RWDD1: variants seen among roughly 807,000 people sequenced by gnomAD.
The protein encoded by RWDD1 is RWD domain containing 1, also known as RWD domain-containing protein 1.
Under a neutral mutation model 31.6 loss-of-function variants are expected in RWDD1, and 17 were observed. The observed-to-expected ratio is 0.54, with a 90% CI of 0.37 to 0.81. The LOEUF is 0.81. RWDD1 is among the 30% of genes least tolerant of loss of function. RWDD1 has a pLI of 0.00. For synonymous variants in RWDD1, 78 were observed against 94.2 expected (o/e 0.83, Z 0.99); for missense variants, 204 against 274.5 (o/e 0.74, Z 1.82).
chr6:116,590,826 T>C, intron 5 of RWDD1, 62 bp from the exon 6 acceptor site: 1 of 1,524,238 alleles, frequency 6.6e-7, no homozygotes, highest in South Asian at 1.3e-5. Context: ...TTCTAAGTAT[T>C]GTAGTGAAAA....
chr6:116,591,593 C>T (rs1440559680), intron 6 of RWDD1, among the ~76,000 whole-genome samples: 2 of 152,230 alleles, frequency 1.3e-5, no homozygotes, highest in African/African-American at 2.4e-5. Context: ...TATCCATCAT[C>T]GATTCATTCA....
intron 1 of RWDD1, among the ~76,000 whole-genome samples, chr6:116,576,343 T>C (rs1296876364): frequency 6.6e-6 from 1 of 152,236 alleles, no homozygotes; most frequent in Non-Finnish European, 1.5e-5. Flanking sequence ...ATGATTTTGA[T>C]TTCCACTTTT....
At position 116,593,152 on chromosome 6, in the gene RWDD1, A is replaced by G. The variant is rs370464845; in HGVS notation, c.*51A>G. Reference sequence around the variant, plus strand: ...CTTGACTGCCACAGCATCTGTGGCTATGCTCAGAGGGTTATGATTTTCCTT... The same window carrying G: ...CTTGACTGCCACAGCATCTGTGGCTGTGCTCAGAGGGTTATGATTTTCCTT... On this transcript the variant is annotated 3_prime_UTR_variant, in exon 7 of 7. Coordinates refer to ENST00000466444, the MANE Select transcript of RWDD1 (RefSeq NM_015952.4). 5.8e-6 allele frequency: 9 copies of G among 1,554,614 alleles called. No homozygotes were observed. The highest frequency in any genetic ancestry group is 7.8e-6 in the Non-Finnish European group (9 of 1,148,564).
intron 1 of RWDD1, 90 bp downstream of exon 1, chr6:116,571,745 TG>T: frequency 8.3e-7 from 1 of 1,206,944 alleles, no homozygotes; most frequent in Non-Finnish European, 1.1e-6. Context: ...TAGGTTGGGG[TG>T]GAGAAGGGGA....
chr6:116,571,802 C>T lies in RWDD1; in HGVS notation c.73+147C>T, dbSNP rs182504743. The T allele has an allele frequency of 2.8e-3, 1,625 of 579,738 alleles. 33 individuals carry two copies. The highest frequency in any genetic ancestry group is 0.026 in the Admixed American group (702 of 27,462). 35.9% of individuals were successfully genotyped at this position (579,738 alleles called of 1,614,324 possible). ...CTTGCCCTCCACTCCTCAAGTTCTT[C>T]AGTCACTTACCAGCAACCCAGTGAC... On this transcript the variant is annotated intron_variant, in intron 1 of 6. Transcript: ENST00000466444.
intron 1 of RWDD1, among the ~76,000 whole-genome samples, chr6:116,578,171 C>G (rs1309742539): frequency 6.6e-6 from 1 of 152,162 alleles, no homozygotes; most frequent in African/African-American, 2.4e-5. Context: ...ATCTCAGTTT[C>G]CACATCTGTA....
chr6:116,585,516 G>A (rs1460525844), intron 3 of RWDD1, among the ~76,000 whole-genome samples: 1 of 152,102 alleles, frequency 6.6e-6, no homozygotes, highest in Non-Finnish European at 1.5e-5. Flanking sequence ...AGAGTAGGGA[G>A]GGGGGTAAAA....
Position 116,579,032 on chromosome 6 carries a change from C to T in RWDD1, c.74-1263C>T, listed in dbSNP as rs1340546888. Among the ~76,000 whole-genome samples the T allele has an allele frequency of 2.2e-4, 34 of 152,068 alleles. 1 individual carries two copies. Among genetic ancestry groups the T allele is most frequent in the Admixed American group, 2.2e-3 (33 of 15,266 alleles). On this transcript the variant is annotated intron_variant, in intron 1 of 6. Transcript: ENST00000466444. ...CTGGGATTACAGGCATGCGCCACCA[C>T]GCCTGGCTATTTTTTGTGTTTTTAG... is the stretch of plus-strand genomic sequence containing the variant.
chr6:116,577,548 A>C (rs1311627094), intron 1 of RWDD1, among the ~76,000 whole-genome samples: 1 of 125,274 alleles, frequency 8.0e-6, no homozygotes, highest in Admixed American at 8.2e-5. Flanking sequence ...AAGTGTCCTT[A>C]AAATATATCA....
At chr6:116,578,810 A>T (rs190212040) in intron 1 of RWDD1, among the ~76,000 whole-genome samples, 39 of 152,304 alleles carry the variant, frequency 2.6e-4, no homozygotes, top group African/African-American at 9.4e-4. Context: ...ACAGGTGTTC[A>T]TCATTTCTTA....
chr6:116,589,124 A>G, intron 4 of RWDD1, 139 bp downstream of exon 4: 1 of 731,210 alleles, frequency 1.4e-6, no homozygotes, highest in Non-Finnish European at 1.8e-6. Context: ...GTAAAGTTTC[A>G]CTAAAATTGT....
At chr6:116,575,041 G>C (rs762099538) in intron 1 of RWDD1, among the ~76,000 whole-genome samples, 1 of 151,784 alleles carries the variant, frequency 6.6e-6, no homozygotes, top group Non-Finnish European at 1.5e-5. Context: ...AAGTGCTGGG[G>C]TTATAGGCGT....
chr6:116,575,751 A>G (rs1774828580), intron 1 of RWDD1, among the ~76,000 whole-genome samples: 1 of 152,216 alleles, frequency 6.6e-6, no homozygotes, highest in Non-Finnish European at 1.5e-5. Flanking sequence ...TCAGGGACAC[A>G]TCTTCTAATG....
At position 116,590,870 on chromosome 6, in the gene RWDD1, C is replaced by CTTTTTTT; in HGVS notation, c.548-9_548-3dup. On this transcript the variant is annotated splice_polypyrimidine_tract_variant and intron_variant, in intron 5 of 6. Coordinates refer to ENST00000466444, the MANE Select transcript of RWDD1 (RefSeq NM_015952.4). ...AACTATGCCATTTGAATTAAACATA[C>CTTTTTTT]TTTTTTTTTTTTTTTAGGGAAACAA... 6.7e-7 allele frequency: 1 copy of CTTTTTTT among 1,483,494 alleles called. No individual in the cohort carries two copies. Among genetic ancestry groups the CTTTTTTT allele is most frequent in the Non-Finnish European group, 9.0e-7 (1 of 1,117,210 alleles). The allele number at this position is 1,483,494 out of a possible 1,614,324, so 91.9% of individuals were successfully genotyped here. A position where few individuals can be genotyped will look rare whatever the true frequency, so the allele number is the denominator to read the frequency against.
rs748858031 is a variant in RWDD1, at chr6:116,596,055, G to C, written c.*2954G>C. 1 of 152,240 alleles carries C rather than the reference G, an allele frequency of 6.6e-6. No individual in the cohort carries two copies. The highest frequency in any genetic ancestry group is 1.5e-5 in the Non-Finnish European group (1 of 68,036). The allele number at this position is 152,240 out of a possible 1,614,324, so 9.4% of individuals were successfully genotyped here. ...TTGTATTCCAGAAAGAAGATGATTT[G>C]TAAGTGTTCAGTATTTGTGTGGCAG... On this transcript the variant is annotated 3_prime_UTR_variant, in exon 7 of 7. Coordinates refer to ENST00000466444, the MANE Select transcript of RWDD1 (RefSeq NM_015952.4).
intron 1 of RWDD1, 126 bp from the exon 2 acceptor site, chr6:116,580,169 T>C: frequency 1.9e-6 from 1 of 516,712 alleles, no homozygotes; most frequent in Non-Finnish European, 3.5e-6. Context: ...GTTCAGTCTG[T>C]ATTTGTGGAA....
intron 1 of RWDD1, among the ~76,000 whole-genome samples, chr6:116,573,791 G>C (rs1774789389): frequency 6.6e-6 from 1 of 151,734 alleles, no homozygotes; most frequent in Non-Finnish European, 1.5e-5. Context: ...TTTGGTTAAT[G>C]CTCAATACTA....
intron 1 of RWDD1, among the ~76,000 whole-genome samples, chr6:116,574,805 C>T (rs929713370): frequency 2.9e-5 from 4 of 137,996 alleles, no homozygotes; most frequent in Non-Finnish European, 6.2e-5. Context: ...AGGTCTCACT[C>T]TGTCACCCAG....
chr6:116,574,675 T>A (rs1459711290), intron 1 of RWDD1, among the ~76,000 whole-genome samples: 1 of 150,062 alleles, frequency 6.7e-6, no homozygotes, highest in African/African-American at 2.5e-5. Context: ...TTTCTCTCTC[T>A]CTCTCTTCCT....
Sources: allele counts gnomAD v4.1 joint callset (sites outside exome capture counted in the v4.1 genomes callset), GRCh38; gene constraint gnomAD v4.1.1; transcripts MANE v1.5; gene names NCBI Gene and HGNC (gene_info 2026-07-23, HGNC 2026-07-21).